Variants in SASH1 observed in about 807,000 individuals in gnomAD.
SASH1 encodes SAM and SH3 domain-containing protein 1.
SASH1 carries 44 observed loss-of-function variants against 125.2 expected under a neutral mutation model. The observed-to-expected ratio is 0.35, with a 90% CI of 0.28 to 0.45. The LOEUF (loss-of-function observed/expected upper bound fraction) is 0.45, where lower values mean the gene tolerates loss of function less well. Among genes scored for constraint, SASH1 ranks in the 20% least tolerant of loss-of-function variants. The pLI, the probability that SASH1 is intolerant of heterozygous loss-of-function variation, is 1.00. For synonymous variants in SASH1, 639 were observed against 649.1 expected (o/e 0.98, Z 0.24); for missense variants, 1,426 against 1,614.5 (o/e 0.88, Z 2.00).
intron 9 of SASH1, among the ~76,000 whole-genome samples, chr6:148,515,059 A>C (rs185417725): frequency 7.9e-5 from 12 of 152,316 alleles, no homozygotes; most frequent in African/African-American, 2.9e-4. Flanking sequence ...GCTTGGATTT[A>C]TTGAAATGGA....
intron 1 of SASH1, among the ~76,000 whole-genome samples, chr6:148,373,152 T>C (rs1331034523): frequency 6.6e-6 from 1 of 151,890 alleles, no homozygotes; most frequent in Non-Finnish European, 1.5e-5. Flanking sequence ...GATTGCGCCA[T>C]TGCACTCCAG....
At chr6:148,334,427 CAAAAAA>C in intron 1 of SASH1, among the ~76,000 whole-genome samples, 1 of 63,696 alleles carries the variant, frequency 1.6e-5, no homozygotes, top group Non-Finnish European at 2.8e-5. Flanking sequence ...GACTCCGTCT[CAAAAAA>C]AAAAAAAAAA....
At chr6:148,199,102 C>T in the SASH1 span, among the ~76,000 whole-genome samples, 1 of 152,174 alleles carries the variant, frequency 6.6e-6, no homozygotes, top group Admixed American at 6.5e-5. Flanking sequence ...GCTTTGCTGG[C>T]CAGTCGTGGT....
chr6:148,534,813 G>A lies in SASH1; in HGVS notation c.2007G>A (p.Glu669=). ...ATTTGGACACCTTTAAGCTGCTGGA[G>A]GAGGAAGACTTGGATGAGTTAAATA... is the stretch of plus-strand genomic sequence containing the variant. ...YEDLDTFKLL[E]EEDLDELNIR... Residue 669 remains glutamate (E), a synonymous_variant, in exon 16 of 20, where the codon GAG becomes GAA. Coordinates refer to ENST00000367467, the MANE Select transcript of SASH1 (RefSeq NM_015278.5). The A allele has an allele frequency of 6.2e-7, 1 of 1,614,200 alleles. No homozygotes were observed. Among genetic ancestry groups the A allele is most frequent in the Non-Finnish European group, 8.5e-7 (1 of 1,180,020 alleles).
intron 10 of SASH1, among the ~76,000 whole-genome samples, chr6:148,522,229 A>G (rs1201399450): frequency 4.6e-5 from 7 of 152,358 alleles, no homozygotes; most frequent in Non-Finnish European, 8.8e-5. Context: ...GTTCAGTAGG[A>G]AGTTATATAT....
At chr6:148,208,351 C>T in the SASH1 span, among the ~76,000 whole-genome samples, 3 of 152,320 alleles carry the variant, frequency 2.0e-5, no homozygotes, top group East Asian at 3.9e-4. Context: ...ATCCTTCTCC[C>T]TCCATTGGCA....
intron 1 of SASH1, among the ~76,000 whole-genome samples, chr6:148,352,030 A>G (rs1781747452): frequency 2.0e-5 from 3 of 152,198 alleles, no homozygotes; most frequent in African/African-American, 7.2e-5. Context: ...TTTGAAAGAG[A>G]AGAGTAACAA....
intron 10 of SASH1, among the ~76,000 whole-genome samples, chr6:148,521,506 C>T (rs1367639414): frequency 1.3e-5 from 2 of 152,200 alleles, no homozygotes; most frequent in African/African-American, 4.8e-5. Flanking sequence ...CTTCCTAGCC[C>T]CTGGGTTTTC....
intron 8 of SASH1, chr6:148,514,047 A>C: frequency 8.8e-7 from 1 of 1,141,850 alleles, no homozygotes; most frequent in Non-Finnish European, 1.1e-6. Flanking sequence ...AGGACAAGGA[A>C]GTAGTTGAGA....
At chr6:148,377,371 T>C (rs9485288) in intron 1 of SASH1, among the ~76,000 whole-genome samples, 52,877 of 151,866 alleles carry the variant, frequency 0.35, 9,347 homozygotes, top group Admixed American at 0.39. Flanking sequence ...ATCTTTATTT[T>C]AAAATCTTAG....
chr6:148,400,306 A>T lies in SASH1; in HGVS notation c.285+10044A>T, dbSNP rs1478812561. ...AATTAGGCAGACACCTGCAGGGCCC[A>T]GCCTGGTAGTCAGCTGAGGCAGGGC... On this transcript the variant is annotated intron_variant, in intron 2 of 19. Transcript: ENST00000367467. Among the ~76,000 whole-genome samples, 26 of 152,238 alleles carry T rather than the reference A, an allele frequency of 1.7e-4. 1 individual carries two copies. Among genetic ancestry groups the T allele is most frequent in the Admixed American group, 1.7e-3 (26 of 15,290 alleles).
chr6:148,469,716 A>G (rs1778010181), intron 5 of SASH1, among the ~76,000 whole-genome samples: 1 of 151,694 alleles, frequency 6.6e-6, no homozygotes, highest in African/African-American at 2.4e-5. Context: ...TTGGACAAAG[A>G]GACCATGTCT....
chr6:148,325,681 C>T (rs1243856596), intron 1 of SASH1, among the ~76,000 whole-genome samples: 1 of 152,148 alleles, frequency 6.6e-6, no homozygotes, highest in African/African-American at 2.4e-5. Context: ...GGGTCCCTCA[C>T]ACGACACGTG....
At chr6:148,468,270 G>A (rs1016751166) in intron 4 of SASH1, among the ~76,000 whole-genome samples, 7 of 152,200 alleles carry the variant, frequency 4.6e-5, no homozygotes, top group African/African-American at 1.7e-4. Context: ...CAGAATGAAA[G>A]GTACTTCAGT....
In SASH1 at chr6:148,377,421, TTTAA is replaced by T. The variant is rs1254300921; in HGVS notation, c.157-12708_157-12705del. On this transcript the variant is annotated intron_variant, in intron 1 of 19. Coordinates refer to ENST00000367467, the MANE Select transcript of SASH1 (RefSeq NM_015278.5). ...TCAGGATATGAGAAGATTGTGAGAC[TTTAA>T]TTAAGCCCATTGAACCCAGGAACTT... Among the ~76,000 whole-genome samples, 9 of 152,316 alleles carry T rather than the reference TTTAA, an allele frequency of 5.9e-5. No homozygotes were observed. In the South Asian group the frequency reaches 6.2e-4, roughly 11 times the overall value.
Position 148,544,673 on chromosome 6 carries a change from C to T in SASH1, c.3203C>T (p.Thr1068Ile). The T allele has an allele frequency of 1.2e-6, 2 of 1,613,382 alleles. No homozygotes were observed. Among genetic ancestry groups the T allele is most frequent in the Non-Finnish European group, 1.7e-6 (2 of 1,179,698 alleles). Residue 1068 changes from threonine (T) to isoleucine (I), a missense_variant, in exon 18 of 20, where the codon ACA becomes ATA. Thr to Ile is a moderately conservative substitution (Grantham distance 89, BLOSUM62 -1). Coordinates refer to ENST00000367467, the MANE Select transcript of SASH1 (RefSeq NM_015278.5). This position sits in a 1 kb window ranked among gnomAD's most constrained non-coding sequence, Gnocchi z 6.4. ...TGGCTCTCAGAGCTCCCCGAGAACA[C>T]AAGCCTCCAGGAGCACGGTGTGAAG... ...PPWLSELPEN[T>I]SLQEHGVKLG...
chr6:148,492,407 C>T (rs1371072478), intron 8 of SASH1, among the ~76,000 whole-genome samples: 3 of 152,070 alleles, frequency 2.0e-5, no homozygotes, highest in Non-Finnish European at 2.9e-5. Flanking sequence ...ATTTGGGAGA[C>T]GTTTATGGAG....
intron 1 of SASH1, among the ~76,000 whole-genome samples, chr6:148,365,132 AAAG>A (rs1782396541): frequency 6.6e-6 from 1 of 151,926 alleles, no homozygotes; most frequent in Non-Finnish European, 1.5e-5. Context: ...CAAAAAAAAA[AAAG>A]AAAGGAGAGG....
At chr6:148,319,611 G>T (rs906399007) in intron 1 of SASH1, among the ~76,000 whole-genome samples, 1 of 151,808 alleles carries the variant, frequency 6.6e-6, no homozygotes, top group Admixed American at 6.6e-5. Context: ...CCCCTCCCGG[G>T]TTCAAGCAAT....
Sources: allele counts gnomAD v4.1 joint callset (sites outside exome capture counted in the v4.1 genomes callset), GRCh38; gene constraint gnomAD v4.1.1; non-coding constraint Gnocchi (gnomAD v3.1); transcripts MANE v1.5; gene names NCBI Gene and HGNC (gene_info 2026-07-23, HGNC 2026-07-21).